Variants in DOCK8 observed in about 807,000 individuals in gnomAD.
DOCK8 encodes dedicator of cytokinesis 8.
Under a neutral mutation model 245.6 loss-of-function variants are expected in DOCK8, and 141 were observed. The ratio of observed to expected loss-of-function variants is 0.57; its 90% CI spans 0.50 to 0.66. The LOEUF is 0.66. Among genes scored for constraint, DOCK8 ranks in the 30% least tolerant of loss-of-function variants. The pLI, the probability that DOCK8 is intolerant of heterozygous loss-of-function variation, is 0.00. For missense variants in DOCK8, 2,965 were observed against 2,603.4 expected, an observed-to-expected ratio of 1.14 and a Z score of -3.02; for synonymous variants, 1,168 against 970.2, an observed-to-expected ratio of 1.20 and a Z score of -3.79.
chr9:451,860 T>A (rs1258513228), intron 45 of DOCK8, 151 bp from the exon 46 acceptor site: 3 of 247,630 alleles, frequency 1.2e-5, no homozygotes, highest in Non-Finnish European at 2.1e-5. Context: ...TATATTCATA[T>A]ATATGTGTGT....
At chr9:272,960 T>TTA in intron 2 of DOCK8, 1 of 826,658 alleles carries the variant, frequency 1.2e-6, no homozygotes, top group African/African-American at 1.8e-5. Context: ...CTTGAAGAGG[T>TTA]TAGGTTACTT....
intron 4 of DOCK8, 86 bp from the exon 5 acceptor site, chr9:304,495 T>G: frequency 1.3e-6 from 2 of 1,566,388 alleles, no homozygotes; most frequent in East Asian, 2.2e-5. Flanking sequence ...ATGTCTACAC[T>G]TAAGCCATTA....
At chr9:281,306 A>G (rs542027836) in intron 2 of DOCK8, among the ~76,000 whole-genome samples, 2 of 152,336 alleles carry the variant, frequency 1.3e-5, no homozygotes, top group Non-Finnish European at 2.9e-5. Flanking sequence ...GTTATTACAT[A>G]TAACGAATGA....
At chr9:390,385 TG>T in intron 23 of DOCK8, 85 bp from the exon 24 acceptor site, 1 of 1,231,818 alleles carries the variant, frequency 8.1e-7, no homozygotes, top group Non-Finnish European at 1.2e-6. Flanking sequence ...GCTATTAAAT[TG>T]GGGGGAATAA....
chr9:396,531 C>G (rs2054464071), intron 24 of DOCK8, among the ~76,000 whole-genome samples: 1 of 152,170 alleles, frequency 6.6e-6, no homozygotes, highest in Non-Finnish European at 1.5e-5. Flanking sequence ...AAGCTCCTGG[C>G]TTTGTCAGCA....
chr9:403,566 G>T (rs772374255), intron 26 of DOCK8, among the ~76,000 whole-genome samples: 1 of 152,020 alleles, frequency 6.6e-6, no homozygotes, highest in African/African-American at 2.4e-5. Context: ...TTGTAAAATG[G>T]CTGAAAATAT....
chr9:423,017 C>G (rs557389462), intron 33 of DOCK8, among the ~76,000 whole-genome samples: 1 of 149,838 alleles, frequency 6.7e-6, no homozygotes, highest in East Asian at 2.0e-4. Context: ...CCTCAAATCT[C>G]TGATGACATA....
At chr9:299,680 A>G (rs1317697516) in intron 4 of DOCK8, among the ~76,000 whole-genome samples, 1 of 151,480 alleles carries the variant, frequency 6.6e-6, no homozygotes, top group African/African-American at 2.4e-5. Flanking sequence ...CAGCCCTAGC[A>G]ATATAGGTTT....
chr9:439,177 G>A (rs147136649), intron 39 of DOCK8, 68 bp from the exon 40 acceptor site: 12 of 1,605,234 alleles, frequency 7.5e-6, no homozygotes, highest in East Asian at 4.5e-5. Flanking sequence ...TTCCCCATTC[G>A]GGGTTCCTGT....
At chr9:299,638 T>C (rs1210117721) in intron 4 of DOCK8, among the ~76,000 whole-genome samples, 1 of 152,082 alleles carries the variant, frequency 6.6e-6, no homozygotes, top group Admixed American at 6.5e-5. Context: ...TTATTTTTTT[T>C]TTCATTTCCC....
At chr9:269,600 G>C (rs10967144) in intron 1 of DOCK8, among the ~76,000 whole-genome samples, 5 of 142,052 alleles carry the variant, frequency 3.5e-5, no homozygotes, top group African/African-American at 5.4e-5. Flanking sequence ...CCGTCACCCA[G>C]GCTGGAGTGC....
intron 46 of DOCK8, among the ~76,000 whole-genome samples, chr9:457,939 G>T (rs1313583329): frequency 6.6e-6 from 1 of 152,196 alleles, no homozygotes; most frequent in East Asian, 1.9e-4. Context: ...AAGAGGTTAA[G>T]TAGCTTGTTT....
chr9:345,998 G>C (rs1302526706), intron 14 of DOCK8, among the ~76,000 whole-genome samples: 1 of 152,032 alleles, frequency 6.6e-6, no homozygotes, highest in Non-Finnish European at 1.5e-5. Context: ...GGAATGACCA[G>C]GGGCTCCCAA....
intron 13 of DOCK8, among the ~76,000 whole-genome samples, chr9:339,757 A>G (rs1470314404): frequency 6.6e-6 from 1 of 152,138 alleles, no homozygotes; most frequent in African/African-American, 2.4e-5. Flanking sequence ...CTCGTGATCC[A>G]CCTGCCTCGG....
intron 24 of DOCK8, among the ~76,000 whole-genome samples, chr9:392,761 G>A (rs2054256028): frequency 6.6e-6 from 1 of 152,012 alleles, no homozygotes; most frequent in Non-Finnish European, 1.5e-5. Flanking sequence ...TCCATGCTCT[G>A]GCAGGAAAGG....
At chr9:317,825 T>C (rs1294336498) in intron 7 of DOCK8, among the ~76,000 whole-genome samples, 1 of 152,212 alleles carries the variant, frequency 6.6e-6, no homozygotes, top group East Asian at 1.9e-4. Context: ...CTGCATAATA[T>C]ACCGACTCCC....
chr9:395,336 T>C (rs1396652461), intron 24 of DOCK8, among the ~76,000 whole-genome samples: 1 of 152,204 alleles, frequency 6.6e-6, no homozygotes, highest in East Asian at 1.9e-4. Context: ...TGGTTTTTTC[T>C]TATTTTGCCT....
Position 444,427 on chromosome 9 carries a change from A to G in DOCK8, c.5580+911A>G, listed in dbSNP as rs543760315. On this transcript the variant is annotated intron_variant, in intron 43 of 47. Coordinates refer to ENST00000432829, the MANE Select transcript of DOCK8 (RefSeq NM_203447.4). The stretch of plus-strand genomic sequence containing the variant: ...TCACTACAATGACTCACAGAATTCC[A>G]AAAAGTACTCTGGTTACTATCAGAG... 2.0e-5 allele frequency among the ~76,000 whole-genome samples: 3 copies of G among 152,098 alleles called. No individual in the cohort carries two copies. The South Asian group carries it at 6.2e-4, about 32-fold the overall frequency.
chr9:253,505 C>A (rs540844290), intron 1 of DOCK8, among the ~76,000 whole-genome samples: 1 of 152,254 alleles, frequency 6.6e-6, no homozygotes, highest in Non-Finnish European at 1.5e-5. Flanking sequence ...TTAAGCAGTC[C>A]CTTAACTTCT....
Sources: gnomAD v4.1 joint callset for allele counts (sites outside exome capture counted in the v4.1 genomes callset) on GRCh38, gnomAD v4.1.1 for gene constraint, MANE v1.5 for transcripts, NCBI Gene and HGNC (gene_info 2026-07-23, HGNC 2026-07-21) for gene names.